ANKRD44: variants seen among roughly 807,000 people sequenced by gnomAD.
ANKRD44 encodes the protein serine/threonine-protein phosphatase 6 regulatory ankyrin repeat subunit B.
In ANKRD44, 35 loss-of-function variants were observed where a neutral mutation model predicts 116.0. The ratio of observed to expected loss-of-function variants is 0.30; its 90% CI spans 0.23 to 0.40. The LOEUF is 0.40. ANKRD44 is among the 10% of genes least tolerant of loss of function. ANKRD44 has a pLI of 1.00. For missense variants in ANKRD44, 1,014 were observed against 1,242.6 expected, an observed-to-expected ratio of 0.82 and a Z score of 2.77; for synonymous variants, 435 against 461.8, an observed-to-expected ratio of 0.94 and a Z score of 0.74.
At chr2:197,103,530 A>T (rs1425052156) in intron 9 of ANKRD44, among the ~76,000 whole-genome samples, 3 of 152,078 alleles carry the variant, frequency 2.0e-5, no homozygotes, top group Non-Finnish European at 4.4e-5. Context: ...GGGGCTGGGG[A>T]CAAATGGGGA....
chr2:197,093,978 T>A (rs575839332), intron 10 of ANKRD44, among the ~76,000 whole-genome samples: 2 of 152,248 alleles, frequency 1.3e-5, no homozygotes, highest in Non-Finnish European at 2.9e-5. Flanking sequence ...ACATTTATAT[T>A]AGCTAGTTCT....
chr2:197,298,407 G>T (rs1208123313), intron 1 of ANKRD44, among the ~76,000 whole-genome samples: 1 of 152,132 alleles, frequency 6.6e-6, no homozygotes, highest in African/African-American at 2.4e-5. Flanking sequence ...GTCAATAGAT[G>T]TGTGGACCAC....
chr2:197,025,293 G>A (rs774264996), intron 16 of ANKRD44, 26 bp from the exon 17 acceptor site: 1 of 1,589,768 alleles, frequency 6.3e-7, no homozygotes, highest in Non-Finnish European at 8.6e-7. Context: ...GCAAACAATA[G>A]TACGTGAGTC....
rs372326557 is a variant in ANKRD44, at chr2:197,086,785, G to A, written c.1248-37C>T. 3 of 1,589,362 alleles carry A rather than the reference G, an allele frequency of 1.9e-6. No homozygotes were observed. In the African/African-American group the frequency reaches 4.0e-5, roughly 21 times the overall value. Reference sequence around the variant, plus strand: ...GGGAAAACATCATTAAGATGGAAGAGATCAATTACTGGCCTATCTTCAGCA... The same window carrying A: ...GGGAAAACATCATTAAGATGGAAGAAATCAATTACTGGCCTATCTTCAGCA... On this transcript the variant is annotated intron_variant, in intron 12 of 27. Transcript: ENST00000282272.
intron 16 of ANKRD44, among the ~76,000 whole-genome samples, chr2:197,050,947 A>T (rs2077095037): frequency 6.7e-6 from 1 of 149,994 alleles, no homozygotes; most frequent in Non-Finnish European, 1.5e-5. Context: ...CTACATGTGA[A>T]ATTATTCAAA....
At chr2:197,039,070 A>G (rs557691190) in intron 16 of ANKRD44, among the ~76,000 whole-genome samples, 3 of 152,344 alleles carry the variant, frequency 2.0e-5, no homozygotes, top group East Asian at 3.9e-4. Flanking sequence ...ATAAAAATAT[A>G]AAATTACTCT....
intron 18 of ANKRD44, 55 bp from the exon 19 acceptor site, chr2:197,009,086 T>G: frequency 1.1e-4 from 155 of 1,438,466 alleles, no homozygotes; most frequent in Non-Finnish European, 1.4e-4. Flanking sequence ...CACATATCTC[T>G]TCCAAATGAC....
chr2:197,186,969 C>G (rs1479067390), intron 2 of ANKRD44, 54 bp downstream of exon 2: 1 of 1,506,402 alleles, frequency 6.6e-7, no homozygotes, highest in Non-Finnish European at 9.2e-7. Context: ...GTTAAGAGTC[C>G]TTTCCTGCTC....
Position 197,109,453 on chromosome 2 carries a change from G to T in ANKRD44, c.985+1313C>A, listed in dbSNP as rs575322015. Reference sequence around the variant, plus strand: ...CTTGTTAGGATTTCTTTTCCCTATAGCTTCACTGGAATGCATATAAATTTC... The same window carrying T: ...CTTGTTAGGATTTCTTTTCCCTATATCTTCACTGGAATGCATATAAATTTC... On this transcript the variant is annotated intron_variant, in intron 9 of 27. Coordinates refer to ENST00000282272, the MANE Select transcript of ANKRD44 (RefSeq NM_001195144.2). 1.1e-3 allele frequency among the ~76,000 whole-genome samples: 173 copies of T among 152,252 alleles called. 4 individuals are homozygous for T. Among genetic ancestry groups the T allele is most frequent in the Admixed American group, 7.3e-3 (111 of 15,286 alleles).
Position 197,257,900 on chromosome 2 carries a change from C to T in ANKRD44, c.27+52678G>A, listed in dbSNP as rs149655039. The stretch of plus-strand genomic sequence containing the variant: ...TAAACAATAACTTCCCATTGCCTCC[C>T]CCCTTTATCCCTGGTAACCACTATT... On this transcript the variant is annotated intron_variant, in intron 1 of 27. Coordinates refer to ENST00000282272, the MANE Select transcript of ANKRD44 (RefSeq NM_001195144.2). Among the ~76,000 whole-genome samples the T allele has an allele frequency of 7.1e-4, 108 of 152,198 alleles. 1 individual carries two copies. The highest frequency in any genetic ancestry group is 2.4e-3 in the African/African-American group (101 of 41,534).
intron 4 of ANKRD44, chr2:197,136,042 T>C (rs1384317144): frequency 6.3e-6 from 1 of 158,214 alleles, no homozygotes; most frequent in African/African-American, 2.4e-5. Flanking sequence ...GCTGTGACCA[T>C]TCTCCATTGC....
intron 3 of ANKRD44, among the ~76,000 whole-genome samples, chr2:197,138,239 T>G (rs2079267406): frequency 6.6e-6 from 1 of 152,218 alleles, no homozygotes; most frequent in Non-Finnish European, 1.5e-5. Flanking sequence ...CTCCAATGTC[T>G]CATTCACCTC....
At chr2:196,979,607 A>G (rs2075786722) in intron 21 of ANKRD44, among the ~76,000 whole-genome samples, 1 of 120,762 alleles carries the variant, frequency 8.3e-6, no homozygotes, top group Admixed American at 1.1e-4. Context: ...CTTGTTGCCC[A>G]GGCTGGAGTG....
At chr2:197,129,710 TAAG>T (rs2079055930) in intron 4 of ANKRD44, among the ~76,000 whole-genome samples, 1 of 152,182 alleles carries the variant, frequency 6.6e-6, no homozygotes. Flanking sequence ...AACCTTGAAA[TAAG>T]AAGTAGAAAC....
intron 1 of ANKRD44, among the ~76,000 whole-genome samples, chr2:197,204,617 C>A (rs527956914): frequency 1.6e-4 from 25 of 152,198 alleles, no homozygotes; most frequent in African/African-American, 6.0e-4. Flanking sequence ...CAAGAGATGC[C>A]AGAGCTCCAG....
At chr2:197,262,257 T>A (rs1193196274) in intron 1 of ANKRD44, among the ~76,000 whole-genome samples, 1 of 152,152 alleles carries the variant, frequency 6.6e-6, no homozygotes, top group Non-Finnish European at 1.5e-5. Context: ...AGAGACAGCT[T>A]TTTATTTTAA....
chr2:197,005,794 G>A lies in ANKRD44; in HGVS notation c.2247C>T (p.Ala749=). Residue 749 remains alanine, a synonymous_variant, in exon 21 of 28, where the codon GCC becomes GCT. Coordinates refer to ENST00000282272, the MANE Select transcript of ANKRD44 (RefSeq NM_001195144.2). ...PLHYAAARGH[A]TWLSELLQMA... The stretch of plus-strand genomic sequence containing the variant: ...TTTGGAGCAGCTCGCTCAGCCACGT[G>A]GCGTGGCCACGAGCAGCTGCATAGT... 6.2e-7 allele frequency: 1 copy of A among 1,614,282 alleles called. No homozygotes were observed. The highest frequency in any genetic ancestry group is 8.5e-7 in the Non-Finnish European group (1 of 1,180,052).
At chr2:197,057,017 C>G (rs982403404) in intron 16 of ANKRD44, among the ~76,000 whole-genome samples, 13 of 152,152 alleles carry the variant, frequency 8.5e-5, no homozygotes, top group Non-Finnish European at 1.8e-4. Context: ...ATTGCACCAG[C>G]TAGGACTCTC....
At chr2:197,103,423 G>T (rs2078350211) in intron 9 of ANKRD44, among the ~76,000 whole-genome samples, 1 of 151,868 alleles carries the variant, frequency 6.6e-6, no homozygotes, top group Non-Finnish European at 1.5e-5. Flanking sequence ...TTTGTTGACT[G>T]ACTAAATAAA....
Sources: gnomAD v4.1 joint callset for allele counts (sites outside exome capture counted in the v4.1 genomes callset) on GRCh38, gnomAD v4.1.1 for gene constraint, MANE v1.5 for transcripts, NCBI Gene and HGNC (gene_info 2026-07-23, HGNC 2026-07-21) for gene names.